PXDNL: variants seen among roughly 807,000 people sequenced by gnomAD.
PXDNL encodes peroxidasin like, also known as probable oxidoreductase PXDNL.
Under a neutral mutation model 150.8 loss-of-function variants are expected in PXDNL, and 145 were observed. The observed-to-expected ratio is 0.96, with a 90% CI of 0.84 to 1.10. The LOEUF (loss-of-function observed/expected upper bound fraction) is 1.10. Among genes scored for constraint, PXDNL ranks in the 50% least tolerant of loss-of-function variants. The probability of loss-of-function intolerance (pLI) is 0.00; values close to 1 mark genes in which losing one functional copy is unlikely to be tolerated. For synonymous variants in PXDNL, 757 were observed against 725.7 expected (o/e 1.04, Z -0.69); for missense variants, 2,087 against 1,873.9 (o/e 1.11, Z -2.10).
intron 17 of PXDNL, among the ~76,000 whole-genome samples, chr8:51,401,385 G>A (rs1413686129): frequency 6.6e-6 from 1 of 152,134 alleles, no homozygotes; most frequent in Admixed American, 6.5e-5. Context: ...AGATCTGAGG[G>A]AGAAGGGAAT....
intron 13 of PXDNL, among the ~76,000 whole-genome samples, chr8:51,424,280 G>A (rs1292386118): frequency 6.6e-6 from 1 of 152,030 alleles, no homozygotes; most frequent in Non-Finnish European, 1.5e-5. Context: ...GAAGCAAAAG[G>A]GTTGCTTGAG....
intron 4 of PXDNL, among the ~76,000 whole-genome samples, chr8:51,510,837 C>A (rs1811399497): frequency 6.6e-6 from 1 of 152,116 alleles, no homozygotes; most frequent in African/African-American, 2.4e-5. Context: ...ATTGTGTTTG[C>A]CTGTGAACAC....
chr8:51,744,259 A>G (rs940045577), intron 1 of PXDNL, among the ~76,000 whole-genome samples: 3 of 136,694 alleles, frequency 2.2e-5, no homozygotes, highest in Admixed American at 7.5e-5. Flanking sequence ...AAAAGAAAGA[A>G]AAGAGAAAGA....
intron 19 of PXDNL, among the ~76,000 whole-genome samples, chr8:51,369,760 C>A (rs992470386): frequency 6.6e-6 from 1 of 152,138 alleles, no homozygotes; most frequent in African/African-American, 2.4e-5. Flanking sequence ...AAAGAGTATT[C>A]TTATTATTGA....
intron 3 of PXDNL, among the ~76,000 whole-genome samples, chr8:51,571,080 A>G (rs1017911119): frequency 6.6e-6 from 1 of 150,944 alleles, no homozygotes; most frequent in African/African-American, 2.5e-5. Flanking sequence ...CACCCCTTAT[A>G]TCAGTTCTTT....
chr8:51,617,530 A>ACATCC (rs1200375614), intron 2 of PXDNL, among the ~76,000 whole-genome samples: 1 of 152,228 alleles, frequency 6.6e-6, no homozygotes, highest in African/African-American at 2.4e-5. Flanking sequence ...CACATGCGCC[A>ACATCC]CATAGAGGCT....
At chr8:51,335,682 T>TACACACACACAC (rs3040925) in intron 21 of PXDNL, among the ~76,000 whole-genome samples, 1,452 of 137,562 alleles carry the variant, frequency 0.011, 28 homozygotes, top group African/African-American at 0.028. Context: ...TTATATACCC[T>TACACACACACAC]ACACACACAC....
At chr8:51,732,214 AT>A (rs1167719308) in intron 1 of PXDNL, among the ~76,000 whole-genome samples, 1 of 152,172 alleles carries the variant, frequency 6.6e-6, no homozygotes, top group African/African-American at 2.4e-5. Context: ...CTGCTTAGAA[AT>A]TTCTTCTGCC....
At chr8:51,552,742 G>A (rs971502862) in intron 4 of PXDNL, among the ~76,000 whole-genome samples, 2 of 152,188 alleles carry the variant, frequency 1.3e-5, no homozygotes, top group Non-Finnish European at 1.5e-5. Flanking sequence ...CTGCTCAGGT[G>A]TTGGGTGCAC....
At chr8:51,778,498 C>T (rs561812906) in intron 1 of PXDNL, among the ~76,000 whole-genome samples, 6 of 152,220 alleles carry the variant, frequency 3.9e-5, no homozygotes, top group East Asian at 1.9e-4. Flanking sequence ...AGACATAATT[C>T]GCTAATAGAG....
At chr8:51,801,522 A>G (rs1163022835) in intron 1 of PXDNL, among the ~76,000 whole-genome samples, 1 of 152,158 alleles carries the variant, frequency 6.6e-6, no homozygotes, top group East Asian at 1.9e-4. Context: ...GGCGGACATC[A>G]TGGACCTACT....
intron 2 of PXDNL, among the ~76,000 whole-genome samples, chr8:51,649,666 T>C (rs1814994038): frequency 1.3e-5 from 2 of 152,238 alleles, no homozygotes; most frequent in East Asian, 1.9e-4. Flanking sequence ...ATATTTAGTA[T>C]TGCTAATTGT....
Position 51,329,819 on chromosome 8 carries a change from G to T in PXDNL, c.4147-8922C>A, listed in dbSNP as rs1259084723. Among the ~76,000 whole-genome samples, 3 of 152,310 alleles carry T rather than the reference G, an allele frequency of 2.0e-5. No homozygotes were observed. The East Asian group carries it at 5.8e-4, about 29-fold the overall frequency. On this transcript the variant is annotated intron_variant, in intron 21 of 22. Transcript: ENST00000356297. ...TCCAGGGAAATAAAACCAATAAGAC[G>T]TGAATATAAAGAGATTTACTATAAG...
intron 8 of PXDNL, among the ~76,000 whole-genome samples, chr8:51,469,540 C>A (rs932869588): frequency 2.6e-5 from 4 of 152,020 alleles, no homozygotes; most frequent in Admixed American, 1.3e-4. Context: ...ACTTTCTAAT[C>A]CTCCATTTCT....
chr8:51,740,294 G>A (rs2036890514), intron 1 of PXDNL, among the ~76,000 whole-genome samples: 1 of 152,208 alleles, frequency 6.6e-6, no homozygotes, highest in Admixed American at 6.5e-5. Context: ...AAGAAGATAA[G>A]TGTGCATGTA....
At chr8:51,572,329 T>C (rs1563468975) in intron 3 of PXDNL, among the ~76,000 whole-genome samples, 1 of 151,886 alleles carries the variant, frequency 6.6e-6, no homozygotes, top group Non-Finnish European at 1.5e-5. Context: ...ATTGAACAGA[T>C]ATACCACACT....
chr8:51,358,875 G>A (rs1806614641), intron 19 of PXDNL, among the ~76,000 whole-genome samples: 1 of 152,188 alleles, frequency 6.6e-6, no homozygotes, highest in Non-Finnish European at 1.5e-5. Flanking sequence ...TCCTCCTAAA[G>A]GCTGCAGGCC....
chr8:51,629,811 T>C (rs1334146165), intron 2 of PXDNL, among the ~76,000 whole-genome samples: 1 of 152,122 alleles, frequency 6.6e-6, no homozygotes, highest in African/African-American at 2.4e-5. Flanking sequence ...AAAAGTCTTT[T>C]ATATCTAGCA....
Position 51,568,409 on chromosome 8 carries a change from CA to C in PXDNL, c.309-11499del, listed in dbSNP as rs544450999. Among the ~76,000 whole-genome samples the C allele has an allele frequency of 2.2e-4, 33 of 151,914 alleles. No homozygotes were observed. In the South Asian group the frequency reaches 6.2e-3, roughly 29 times the overall value. ...AGTCTAAACTGGTGGTTTTTACTTT[CA>C]ATGTTTTAAATATTTTACTTCATGC... On this transcript the variant is annotated intron_variant, in intron 3 of 22. Transcript: ENST00000356297.
Sources: gnomAD v4.1 joint callset for allele counts (sites outside exome capture counted in the v4.1 genomes callset) on GRCh38, gnomAD v4.1.1 for gene constraint, MANE v1.5 for transcripts, NCBI Gene and HGNC (gene_info 2026-07-23, HGNC 2026-07-21) for gene names.